KLF7: variants seen among roughly 807,000 people sequenced by gnomAD.
The protein encoded by KLF7 is Krueppel-like factor 7.
In KLF7, 2 loss-of-function variants were observed where a neutral mutation model predicts 27.3. That is an observed-to-expected ratio of 0.07 (90% CI 0.03 to 0.23). The LOEUF is 0.23. KLF7 is among the 10% of genes least tolerant of loss of function. KLF7 has a pLI of 1.00. For missense variants in KLF7, 221 were observed against 394.1 expected, an observed-to-expected ratio of 0.56 and a Z score of 3.72; for synonymous variants, 165 against 162.4, an observed-to-expected ratio of 1.02 and a Z score of -0.12.
intron 3 of KLF7, 135 bp downstream of exon 3, chr2:207,088,323 T>C (rs1042848282): frequency 5.9e-5 from 60 of 1,021,972 alleles, no homozygotes; most frequent in Non-Finnish European, 8.2e-5. Context: ...GTCCTCTCCA[T>C]GGAGAAAAGG....
chr2:207,083,067 C>T (rs1349269023), intron 3 of KLF7, among the ~76,000 whole-genome samples: 1 of 152,220 alleles, frequency 6.6e-6, no homozygotes, highest in Non-Finnish European at 1.5e-5. Flanking sequence ...TACTTCCAGC[C>T]CTGACTTTGT....
intron 2 of KLF7, among the ~76,000 whole-genome samples, chr2:207,117,406 T>C (rs978173378): frequency 6.6e-6 from 1 of 152,214 alleles, no homozygotes; most frequent in African/African-American, 2.4e-5. Context: ...ATATGCTAAA[T>C]CCAAATTATC....
chr2:207,166,856 T>C (rs1294984460), upstream of KLF7: 4 of 1,050,728 alleles, frequency 3.8e-6, no homozygotes, highest in Non-Finnish European at 4.6e-6. Context: ...TGCCACACAA[T>C]GGGAGAGAAC....
At chr2:207,163,097 G>A (rs2078594846) in intron 1 of KLF7, among the ~76,000 whole-genome samples, 1 of 152,206 alleles carries the variant, frequency 6.6e-6, no homozygotes, top group South Asian at 2.1e-4. Flanking sequence ...GAAGAAGGAA[G>A]GGCTAGAGGT....
At chr2:207,099,551 G>GAGATATATATATATATATATAT (rs150515096) in intron 2 of KLF7, among the ~76,000 whole-genome samples, 4 of 57,574 alleles carry the variant, frequency 6.9e-5, no homozygotes, top group Non-Finnish European at 1.3e-4. Context: ...CTACATATGC[G>GAGATATATATATATATATATAT]ATATATATAT....
chr2:207,101,286 A>T (rs1027984929), intron 2 of KLF7, among the ~76,000 whole-genome samples: 2 of 152,256 alleles, frequency 1.3e-5, no homozygotes, highest in African/African-American at 4.8e-5. Context: ...TCTTCACGTT[A>T]GAGCTCAGCT....
chr2:207,107,526 T>C (rs778663740), intron 2 of KLF7, among the ~76,000 whole-genome samples: 13 of 152,192 alleles, frequency 8.5e-5, no homozygotes, highest in Non-Finnish European at 1.6e-4. Flanking sequence ...TAAAATTATA[T>C]AGCATAGGCC....
At chr2:207,116,198 C>G (rs2359965) in intron 2 of KLF7, among the ~76,000 whole-genome samples, 27,389 of 152,112 alleles carry the variant, frequency 0.18, 2,658 homozygotes, top group East Asian at 0.32. Context: ...ACCAGATTCC[C>G]AAACAGCTGC....
chr2:207,091,164 G>C (rs550575399), intron 2 of KLF7, among the ~76,000 whole-genome samples: 2 of 152,326 alleles, frequency 1.3e-5, no homozygotes, highest in African/African-American at 4.8e-5. Context: ...GAAGAAGACT[G>C]AAGTGGACGT....
At chr2:207,130,290 G>A (rs185310315) in intron 1 of KLF7, among the ~76,000 whole-genome samples, 4 of 152,268 alleles carry the variant, frequency 2.6e-5, no homozygotes, top group Admixed American at 1.3e-4. Context: ...AGAAAAAGAT[G>A]GAGTCAAGAA....
Position 207,165,942 on chromosome 2 carries a change from C to A in KLF7, c.-374G>T, listed in dbSNP as rs1326990257. 1 of 1,063,378 alleles carries A rather than the reference C, an allele frequency of 9.4e-7. No individual in the cohort carries two copies. The highest frequency in any genetic ancestry group is 1.1e-6 in the Non-Finnish European group (1 of 877,010). The allele number at this position is 1,063,378 out of a possible 1,614,324, so 65.9% of individuals were successfully genotyped here. On this transcript the variant is annotated 5_prime_UTR_variant, in exon 1 of 4. Coordinates refer to ENST00000309446, the MANE Select transcript of KLF7 (RefSeq NM_003709.4). ...ACGAAGCTGCCATCTATTTCTGCAG[C>A]GCTGTTCGCTCCTAATGCAATCTTT... is the stretch of plus-strand genomic sequence containing the variant.
Position 207,118,614 on chromosome 2 carries a change from T to G in KLF7, c.733+5160A>C, listed in dbSNP as rs150721759. On this transcript the variant is annotated intron_variant, in intron 2 of 3. Transcript: ENST00000309446. ...GTGCAAATCCTTGCCCAACCATCTATGATGAGCTGTGTGACGCCAGGCAAA... is the reference window on the plus strand; with the variant it reads ...GTGCAAATCCTTGCCCAACCATCTAGGATGAGCTGTGTGACGCCAGGCAAA... Among the ~76,000 whole-genome samples the G allele has an allele frequency of 6.1e-3, 931 of 152,342 alleles. 5 individuals are homozygous for G. The highest frequency in any genetic ancestry group is 0.011 in the Non-Finnish European group (738 of 68,026).
In KLF7 at chr2:207,114,997, C is replaced by A. The variant is rs1446287948; in HGVS notation, c.733+8777G>T. 3.3e-5 allele frequency among the ~76,000 whole-genome samples: 5 copies of A among 152,226 alleles called. No homozygotes were observed. The South Asian group carries it at 1.0e-3, about 32-fold the overall frequency. On this transcript the variant is annotated intron_variant, in intron 2 of 3. Coordinates refer to ENST00000309446, the MANE Select transcript of KLF7 (RefSeq NM_003709.4). ...CATGTTATAGTAATGGAAACGGATA[C>A]ATTTTAAAGGCAGAAACAACAAAAT...
upstream of KLF7, among the ~76,000 whole-genome samples, chr2:207,168,889 A>G (rs955936027): frequency 6.6e-6 from 1 of 152,250 alleles, no homozygotes; most frequent in Non-Finnish European, 1.5e-5. Flanking sequence ...AATTAAGATC[A>G]CAAGAGAACT....
Position 207,077,654 on chromosome 2 carries a change from A to AC in KLF7, c.*3558dup, listed in dbSNP as rs1475800918. ...TCTTTTTCTGGACATAATACTCATT[A>AC]CCACCAGGCATTGAGCTGAGCCATT... On this transcript the variant is annotated 3_prime_UTR_variant, in exon 4 of 4. Coordinates refer to ENST00000309446, the MANE Select transcript of KLF7 (RefSeq NM_003709.4). The AC allele has an allele frequency of 6.6e-6, 1 of 152,192 alleles. No homozygotes were observed. The highest frequency in any genetic ancestry group is 2.4e-5 in the African/African-American group (1 of 41,442). 9.4% of individuals were successfully genotyped at this position (152,192 alleles called of 1,614,324 possible).
chr2:207,165,552 C>G lies in KLF7; in HGVS notation c.17G>C (p.Ser6Thr). MDVLA[S>T]YSIFQELQLV... ...TTGTAGCTCCTGGAATATACTATAA[C>G]TAGCCAACACGTCCATGCTGCTGCT... is the stretch of plus-strand genomic sequence containing the variant. The change falls in exon 1 of 4, where the codon AGT (serine) becomes ACT (threonine). Residue 6 changes from serine to threonine, a missense_variant. By Grantham distance (58) the Ser-to-Thr change is moderately conservative. Around this residue, in one of 3 missense-constraint regions of KLF7, gnomAD observed 11 missense variants for 50.8 expected, o/e 0.22. Coordinates refer to ENST00000309446, the MANE Select transcript of KLF7 (RefSeq NM_003709.4). The G allele has an allele frequency of 3.1e-6, 5 of 1,613,972 alleles. No individual in the cohort carries two copies. The highest frequency in any genetic ancestry group is 4.2e-6 in the Non-Finnish European group (5 of 1,180,012).
intron 1 of KLF7, among the ~76,000 whole-genome samples, chr2:207,153,473 CAG>C (rs1426741586): frequency 3.9e-5 from 6 of 152,134 alleles, no homozygotes; most frequent in Non-Finnish European, 8.8e-5. Context: ...GCTGATTTTA[CAG>C]AGAGGTAAAG....
intron 2 of KLF7, among the ~76,000 whole-genome samples, chr2:207,096,308 C>T (rs937287853): frequency 6.6e-6 from 1 of 152,208 alleles, no homozygotes; most frequent in Non-Finnish European, 1.5e-5. Flanking sequence ...AATGCTTCAC[C>T]AAATGCAACC....
At position 207,076,277 on chromosome 2, in the gene KLF7, T is replaced by C. The variant is rs1205251768; in HGVS notation, c.*4936A>G. ...AGTTGAAAAAAAATTGTATAAACAGTCCCCAACAAAGAACATTATCAACCT... is the reference window on the plus strand; with the variant it reads ...AGTTGAAAAAAAATTGTATAAACAGCCCCCAACAAAGAACATTATCAACCT... On this transcript the variant is annotated 3_prime_UTR_variant, in exon 4 of 4. Coordinates refer to ENST00000309446, the MANE Select transcript of KLF7 (RefSeq NM_003709.4). The C allele has an allele frequency of 1.3e-5, 2 of 151,834 alleles. No homozygotes were observed. Among genetic ancestry groups the C allele is most frequent in the African/African-American group, 2.4e-5 (1 of 41,340 alleles). 9.4% of individuals were successfully genotyped at this position (151,834 alleles called of 1,614,324 possible). A position where few individuals can be genotyped will look rare whatever the true frequency, so the allele number is the denominator to read the frequency against.
Sources: gnomAD v4.1 joint callset for allele counts (sites outside exome capture counted in the v4.1 genomes callset) on GRCh38, gnomAD v4.1.1 for gene constraint, gnomAD v4.1.1 regional missense constraint, MANE v1.5 for transcripts, NCBI Gene and HGNC (gene_info 2026-07-23, HGNC 2026-07-21) for gene names.